The following FAT1 variants were observed in gnomAD, a reference collection of about 807,000 sequenced individuals.
FAT1 encodes the protein protocadherin Fat 1.
FAT1 carries 171 observed loss-of-function variants against 329.8 expected under a neutral mutation model. The observed-to-expected ratio is 0.52, with a 90% CI of 0.46 to 0.59. The LOEUF is 0.59. Among genes scored for constraint, FAT1 ranks in the 20% least tolerant of loss-of-function variants. FAT1 has a pLI of 0.00. For missense variants in FAT1, 5,672 were observed against 5,774.4 expected, an observed-to-expected ratio of 0.98 and a Z score of 0.57; for synonymous variants, 2,233 against 2,228.6, an observed-to-expected ratio of 1.00 and a Z score of -0.06.
rs1188233557 is a variant in FAT1 at position 186,588,876 on chromosome 4, G to A, written c.13483C>T (p.Pro4495Ser). 1.2e-6 allele frequency: 2 copies of A among 1,613,968 alleles called. No individual in the cohort carries two copies. The highest frequency in any genetic ancestry group is 1.7e-6 in the Non-Finnish European group (2 of 1,179,890). Residue 4495 changes from proline to serine, a missense_variant, in exon 27 of 27, where the codon CCC (proline) becomes TCC (serine). Transcript: ENST00000441802. ...NLNQYLPNFY[P>S]LDMSEPQTKG... ...GTTTGAGGTTCAGACATATCGAGGG[G>A]ATAAAAATTGGGCAAATACTGATTC...
Position 186,618,662 on chromosome 4 carries a change from C to T in FAT1, c.7924G>A (p.Val2642Ile), listed in dbSNP as rs1335690119. The T allele has an allele frequency of 4.3e-6, 7 of 1,614,026 alleles. No individual in the cohort carries two copies. The highest frequency in any genetic ancestry group is 1.7e-5 in the Admixed American group (1 of 60,028). Residue 2642 changes from valine to isoleucine, a missense_variant, in exon 10 of 27, where the codon GTA becomes ATA. Physicochemically the swap from Val to Ile is conservative, Grantham distance 29. Around this residue, in one of 2 missense-constraint regions of FAT1, gnomAD observed 3,966 missense variants for 3,915.2 expected, o/e 1.01. Transcript: ENST00000441802. ...TTGTTAATTTCCAAATTCTCTTTTA[C>T]ACTTTCAGAGTCTGCTTCAATGGCA... ...TYAIEADSES[V>I]KENLEINKLS...
chr4:186,621,819 G>T, intron 9 of FAT1, 44 bp from the exon 10 acceptor site: 3 of 1,215,176 alleles, frequency 2.5e-6, no homozygotes, highest in South Asian at 1.6e-5. Flanking sequence ...AAACACAAGG[G>T]GCAGTAGTAG....
In FAT1 at chr4:186,603,421, C is replaced by G. The variant is rs1415071791; in HGVS notation, c.11105G>C (p.Gly3702Ala). 1 of 1,613,978 alleles carries G rather than the reference C, an allele frequency of 6.2e-7. No homozygotes were observed. Among genetic ancestry groups the G allele is most frequent in the East Asian group, 2.2e-5 (1 of 44,882 alleles). Reference sequence around the variant, plus strand: ...TTGTTTTGTTGAGATCTGAGCACTACCTGGTTTCTCTACAAAAAGTAAGAC... The same window carrying G: ...TTGTTTTGTTGAGATCTGAGCACTAGCTGGTTTCTCTACAAAAAGTAAGAC... ...LDVLLFVEKP[G>A]SAQISTKQLL... Residue 3702 changes from glycine to alanine, a missense_variant, in exon 19 of 27, where the codon GGT (glycine) becomes GCT (alanine). Around this residue, in one of 2 missense-constraint regions of FAT1, gnomAD observed 1,706 missense variants for 1,859.1 expected, o/e 0.92. Coordinates refer to ENST00000441802, the MANE Select transcript of FAT1 (RefSeq NM_005245.4).
In FAT1 at chr4:186,723,801, T is replaced by TCCCGCGCCCGCTCCCGCGCCCTCTC. The variant is rs1745582935; in HGVS notation, c.-157_-156insGAGAGGGCGCGGGAGCGGGCGCGGG. 1 of 149,556 alleles carries TCCCGCGCCCGCTCCCGCGCCCTCTC rather than the reference T, an allele frequency of 6.7e-6. No individual in the cohort carries two copies. The highest frequency in any genetic ancestry group is 2.5e-5 in the African/African-American group (1 of 40,560). 9.3% of individuals were successfully genotyped at this position (149,556 alleles called of 1,614,324 possible). On this transcript the variant is annotated 5_prime_UTR_variant, in exon 1 of 27. Transcript: ENST00000441802. ...GCATGGTACCTGCCGCACGAGCCGC[T>TCCCGCGCCCGCTCCCGCGCCCTCTC]CCCGCGCCCTCTCCCCGCGCCCGGC...
At chr4:186,644,021 T>G (rs190686884) in intron 3 of FAT1, among the ~76,000 whole-genome samples, 137 of 152,252 alleles carry the variant, frequency 9.0e-4, no homozygotes, top group African/African-American at 2.7e-3. Context: ...GACAGAAACC[T>G]TTAAGATTAT....
Position 186,619,288 on chromosome 4 carries a change from T to C in FAT1, c.7298A>G (p.Asn2433Ser), listed in dbSNP as rs183723851. ...GTCAATGACAAAATGTTTATGATCATTGCCAGACAGAATGGAATACTGCAA... is the reference window on the plus strand; with the variant it reads ...GTCAATGACAAAATGTTTATGATCACTGCCAGACAGAATGGAATACTGCAA... Reference protein sequence around the residue: ...DKLQYSILSGNDHKHFVIDSA... With the variant: ...DKLQYSILSGSDHKHFVIDSA... The change falls in exon 10 of 27, where the codon AAT becomes AGT. Residue 2433 changes from asparagine (N) to serine (S), a missense_variant. Coordinates refer to ENST00000441802, the MANE Select transcript of FAT1 (RefSeq NM_005245.4). 265 of 1,614,032 alleles carry C rather than the reference T, an allele frequency of 1.6e-4. No individual in the cohort carries two copies. Among genetic ancestry groups the C allele is most frequent in the Non-Finnish European group, 2.1e-4 (252 of 1,179,902 alleles).
chr4:186,588,562 A>G lies in FAT1; in HGVS notation c.*30T>C, dbSNP rs199584222. 595 of 1,588,244 alleles carry G rather than the reference A, an allele frequency of 3.7e-4. 1 individual carries two copies. Among genetic ancestry groups the G allele is most frequent in the Non-Finnish European group, 4.6e-4 (534 of 1,168,222 alleles). ...TACTCACATCACCTCTAGGTTCACT[A>G]AAGTCAGGCACTTTGGGGGGAGTTG... On this transcript the variant is annotated 3_prime_UTR_variant, in exon 27 of 27. Transcript: ENST00000441802.
At chr4:186,629,544 T>C (rs1740488111) in intron 7 of FAT1, among the ~76,000 whole-genome samples, 1 of 152,202 alleles carries the variant, frequency 6.6e-6, no homozygotes, top group South Asian at 2.1e-4. Flanking sequence ...CGGAAATCAC[T>C]GCCAATTATA....
intron 3 of FAT1, among the ~76,000 whole-genome samples, chr4:186,649,647 C>G (rs1408584651): frequency 6.6e-6 from 1 of 152,180 alleles, no homozygotes; most frequent in Non-Finnish European, 1.5e-5. Context: ...CTGGGAGGAG[C>G]GAGGATAGGT....
At position 186,589,186 on chromosome 4, in the gene FAT1, G is replaced by A. The variant is rs761687545; in HGVS notation, c.13173C>T (p.Ser4391=). ...YHWDTSDWMP[S]VPLPDIQEFP... ...ACTCTTGTATGTCCGGCAGAGGAAC[G>A]CTTGGCATCCAATCTGATGTATCCC... Residue 4391 remains serine (S), a synonymous_variant, in exon 27 of 27, where the codon AGC becomes AGT. Transcript: ENST00000441802. 3.1e-6 allele frequency: 5 copies of A among 1,613,344 alleles called. No individual in the cohort carries two copies. Among genetic ancestry groups the A allele is most frequent in the Non-Finnish European group, 4.2e-6 (5 of 1,179,646 alleles).
At position 186,609,243 on chromosome 4, in the gene FAT1, C is replaced by A; in HGVS notation, c.10146G>T (p.Ser3382=). The A allele has an allele frequency of 1.2e-6, 2 of 1,614,014 alleles. No individual in the cohort carries two copies. Among genetic ancestry groups the A allele is most frequent in the African/African-American group, 2.7e-5 (2 of 75,036 alleles). ...YSIIDGNQGS[S]FTIDPVRGEV... ...CTCCCCTGACGGGGTCAATTGTGAA[C>A]GAGCTTCCTTGGTTGCCATCTATAA... The change falls in exon 16 of 27, where the codon TCG becomes TCT. Residue 3382 remains serine (S), a synonymous_variant. Transcript: ENST00000441802.
rs927180344 is a variant in FAT1 at position 186,637,296 on chromosome 4, A to G, written c.3643-382T>C. On this transcript the variant is annotated intron_variant, in intron 4 of 26. Transcript: ENST00000441802. ...CGTGAAGATTCTGCTTTACACATTT[A>G]AAGAGTCTTCTTAAAAACAACACAC... Among the ~76,000 whole-genome samples the G allele has an allele frequency of 2.0e-5, 3 of 152,360 alleles. No individual in the cohort carries two copies. The South Asian group carries it at 6.2e-4, about 32-fold the overall frequency.
chr4:186,639,646 T>C, intron 4 of FAT1, 76 bp downstream of exon 4: 3 of 987,580 alleles, frequency 3.0e-6, no homozygotes, highest in Non-Finnish European at 4.7e-6. Context: ...TACTGGTTAA[T>C]GGGAACAAGA....
At chr4:186,680,994 G>T (rs192923844) in intron 2 of FAT1, among the ~76,000 whole-genome samples, 1 of 152,038 alleles carries the variant, frequency 6.6e-6, no homozygotes. Flanking sequence ...AAAAATAATC[G>T]GCCTTACCTT....
At chr4:186,677,788 G>C (rs1285179810) in intron 2 of FAT1, among the ~76,000 whole-genome samples, 2 of 152,210 alleles carry the variant, frequency 1.3e-5, no homozygotes, top group East Asian at 3.9e-4. Context: ...AATTAAAACA[G>C]GAGGAAAACG....
At chr4:186,667,923 C>G (rs531296341) in intron 2 of FAT1, among the ~76,000 whole-genome samples, 35 of 152,254 alleles carry the variant, frequency 2.3e-4, no homozygotes, top group African/African-American at 8.4e-4. Flanking sequence ...GCTGTTGCCA[C>G]TATCAATCAA....
chr4:186,653,106 T>C, intron 3 of FAT1, among the ~76,000 whole-genome samples: 1 of 152,178 alleles, frequency 6.6e-6, no homozygotes, highest in Non-Finnish European at 1.5e-5. Flanking sequence ...GTATAACATG[T>C]CGACACAGAA....
intron 1 of FAT1, among the ~76,000 whole-genome samples, chr4:186,722,703 G>T (rs1376795462): frequency 6.6e-6 from 1 of 152,102 alleles, no homozygotes; most frequent in South Asian, 2.1e-4. Flanking sequence ...TTAAACTATC[G>T]AAACCTGTAT....
chr4:186,671,309 T>TA (rs199500415), intron 2 of FAT1, among the ~76,000 whole-genome samples: 7 of 152,026 alleles, frequency 4.6e-5, no homozygotes, highest in Admixed American at 3.3e-4. Context: ...TGTAAAATAA[T>TA]AAAAAAATAT....
Sources: allele counts gnomAD v4.1 joint callset (sites outside exome capture counted in the v4.1 genomes callset), GRCh38; gene constraint gnomAD v4.1.1; regional missense constraint gnomAD v4.1.1; transcripts MANE v1.5; gene names NCBI Gene and HGNC (gene_info 2026-07-23, HGNC 2026-07-21).